MARCHF8: variants seen among roughly 807,000 people sequenced by gnomAD.
MARCHF8 encodes the protein E3 ubiquitin-protein ligase MARCHF8.
MARCHF8 carries 40 observed loss-of-function variants against 51.6 expected under a neutral mutation model. The ratio of observed to expected loss-of-function variants is 0.77; its 90% CI spans 0.60 to 1.01. The LOEUF is 1.01. Among genes scored for constraint, MARCHF8 ranks in the 50% least tolerant of loss-of-function variants. MARCHF8 has a pLI of 0.00. For missense variants in MARCHF8, 685 were observed against 708.6 expected (o/e 0.97, Z 0.38); for synonymous variants, 263 against 280.3 (o/e 0.94, Z 0.62).
At chr10:45,526,099 T>C (rs964857057) in intron 2 of MARCHF8, among the ~76,000 whole-genome samples, 1 of 152,148 alleles carries the variant, frequency 6.6e-6, no homozygotes, top group African/African-American at 2.4e-5. Context: ...GTTAATAATA[T>C]GAGAAACTGG....
At chr10:45,551,046 G>A (rs1013572188) in intron 1 of MARCHF8, among the ~76,000 whole-genome samples, 7 of 152,058 alleles carry the variant, frequency 4.6e-5, no homozygotes, top group African/African-American at 1.4e-4. Flanking sequence ...AGGCAAGACC[G>A]GATTTATTCC....
upstream of MARCHF8, among the ~76,000 whole-genome samples, chr10:45,537,498 C>T (rs1052162543): frequency 6.6e-6 from 1 of 151,716 alleles, no homozygotes; most frequent in Non-Finnish European, 1.5e-5. Flanking sequence ...ACAAAAAACT[C>T]AAAACTTAGC....
rs558166733 is a variant in MARCHF8, at chr10:45,461,747, G to A, written c.1089-336C>T. On this transcript the variant is annotated intron_variant, in intron 5 of 7. Transcript: ENST00000453424. ...GGAATCATTTTCCAGAACATAAGAT[G>A]GTAAAATAATTAGAGGGAAAATTTC... The A allele has an allele frequency of 2.3e-3, 414 of 176,984 alleles. 1 individual carries two copies. The highest frequency in any genetic ancestry group is 4.1e-3 in the Non-Finnish European group (344 of 84,874). 11.0% of individuals were successfully genotyped at this position (176,984 alleles called of 1,614,324 possible).
At position 45,458,457 on chromosome 10, in the gene MARCHF8, T is replaced by C. The variant is rs1564460350; in HGVS notation, c.1504A>G (p.Lys502Glu). Residue 502 changes from lysine (K) to glutamate (E), a missense_variant, in exon 8 of 8, where the codon AAA becomes GAA. Physicochemically the swap from Lys to Glu is moderately conservative, Grantham distance 56 (BLOSUM62 1). Coordinates refer to ENST00000453424, the MANE Select transcript of MARCHF8 (RefSeq NM_001282866.2). Reference protein sequence around the residue: ...GGLLFMYVQCKVYVQLWKRLK... With the variant: ...GGLLFMYVQCEVYVQLWKRLK... ...CTCTTCCACAATTGCACATACACTT[T>C]ACACTGAACATACATAAAAAGAAGT... The C allele has an allele frequency of 6.2e-7, 1 of 1,614,116 alleles. No individual in the cohort carries two copies. The highest frequency in any genetic ancestry group is 8.5e-7 in the Non-Finnish European group (1 of 1,180,016).
upstream of MARCHF8, among the ~76,000 whole-genome samples, chr10:45,538,795 A>G (rs1295633220): frequency 6.6e-6 from 1 of 152,240 alleles, no homozygotes; most frequent in Non-Finnish European, 1.5e-5. Flanking sequence ...CACCCAATAC[A>G]GGAGCACCCA....
intron 1 of MARCHF8, among the ~76,000 whole-genome samples, chr10:45,546,375 G>A (rs1025153615): frequency 1.3e-5 from 2 of 151,960 alleles, no homozygotes; most frequent in African/African-American, 2.4e-5. Context: ...GTTGGCCAGA[G>A]TGATCTCAAA....
At chr10:45,519,021 A>G (rs1169638736) in intron 2 of MARCHF8, among the ~76,000 whole-genome samples, 3 of 152,258 alleles carry the variant, frequency 2.0e-5, no homozygotes, top group Non-Finnish European at 4.4e-5. Flanking sequence ...GCTCTAAAAG[A>G]TATGCTGGAA....
intron 2 of MARCHF8, among the ~76,000 whole-genome samples, chr10:45,514,336 AAGCTTCATTTTCC>A (rs1159416146): frequency 5.3e-5 from 8 of 152,336 alleles, no homozygotes; most frequent in Admixed American, 3.3e-4. Context: ...CTCCTACCTG[AAGCTTCATTTTCC>A]AACAAGAATG....
chr10:45,530,557 G>A (rs930045069), intron 2 of MARCHF8, among the ~76,000 whole-genome samples: 2 of 152,184 alleles, frequency 1.3e-5, no homozygotes, highest in Admixed American at 6.5e-5. Flanking sequence ...CAAGATGGGA[G>A]GATTGCTTAA....
chr10:45,512,122 G>T (rs1426323727), intron 2 of MARCHF8, among the ~76,000 whole-genome samples: 1 of 149,608 alleles, frequency 6.7e-6, no homozygotes. Flanking sequence ...ATGTGAGAGC[G>T]CCCAGCCGCG....
At chr10:45,563,399 A>C (rs566168397) in intron 1 of MARCHF8, among the ~76,000 whole-genome samples, 22 of 152,310 alleles carry the variant, frequency 1.4e-4, no homozygotes, top group African/African-American at 5.3e-4. Context: ...TAGTATACGC[A>C]AGGGTTCTGG....
chr10:45,576,717 T>C (rs1351009539), intron 1 of MARCHF8, among the ~76,000 whole-genome samples: 2 of 147,116 alleles, frequency 1.4e-5, no homozygotes, highest in Non-Finnish European at 3.0e-5. Context: ...AGCTCAGGAA[T>C]ACAAAACTAG....
chr10:45,489,900 T>G (rs1404141976), intron 2 of MARCHF8, among the ~76,000 whole-genome samples: 1 of 152,140 alleles, frequency 6.6e-6, no homozygotes, highest in African/African-American at 2.4e-5. Flanking sequence ...AAGTGCTGAA[T>G]ACTCAATCGG....
In MARCHF8 at chr10:45,470,877, C is replaced by G. The variant is rs908254315; in HGVS notation, c.154-6550G>C. ...TAGCACAGAAGTTACTCTGTCAAACCAATGCTTCATTATGAGTAACTCTGC... is the reference window on the plus strand; with the variant it reads ...TAGCACAGAAGTTACTCTGTCAAACGAATGCTTCATTATGAGTAACTCTGC... On this transcript the variant is annotated intron_variant, in intron 3 of 7. Coordinates refer to ENST00000453424, the MANE Select transcript of MARCHF8 (RefSeq NM_001282866.2). Among the ~76,000 whole-genome samples the G allele has an allele frequency of 3.7e-4, 56 of 152,242 alleles. No homozygotes were observed. In the Middle Eastern group the frequency reaches 0.01, roughly 28 times the overall value.
intron 1 of MARCHF8, among the ~76,000 whole-genome samples, chr10:45,542,221 C>T (rs2044063186): frequency 6.6e-6 from 1 of 151,780 alleles, no homozygotes; most frequent in Admixed American, 6.6e-5. Context: ...TGGCGGGCAC[C>T]TGTAGTCCCC....
chr10:45,543,797 C>CAA (rs35514763), intron 1 of MARCHF8, among the ~76,000 whole-genome samples: 1,149 of 48,228 alleles, frequency 0.024, 4 homozygotes, highest in Middle Eastern at 0.042. Context: ...GACTCCGTCT[C>CAA]AAAAAAAAAA....
chr10:45,573,329 G>A (rs1472331982), intron 1 of MARCHF8, among the ~76,000 whole-genome samples: 1 of 152,146 alleles, frequency 6.6e-6, no homozygotes, highest in Non-Finnish European at 1.5e-5. Flanking sequence ...CAATAATAAA[G>A]TAGAGGCAGC....
chr10:45,519,231 A>G (rs1358127782), intron 2 of MARCHF8, among the ~76,000 whole-genome samples: 2 of 152,240 alleles, frequency 1.3e-5, no homozygotes, highest in African/African-American at 4.8e-5. Context: ...CATCTGTACA[A>G]TAAGGAGTTC....
chr10:45,589,963 A>T (rs1211559864), intron 1 of MARCHF8, among the ~76,000 whole-genome samples: 1 of 152,196 alleles, frequency 6.6e-6, no homozygotes, highest in African/African-American at 2.4e-5. Flanking sequence ...CCTTATCCCA[A>T]ATCTAGCCAT....
Sources: allele counts gnomAD v4.1 joint callset (sites outside exome capture counted in the v4.1 genomes callset), GRCh38; gene constraint gnomAD v4.1.1; transcripts MANE v1.5; gene names NCBI Gene and HGNC (gene_info 2026-07-23, HGNC 2026-07-21).